The following NMT2 variants were observed in gnomAD, a reference collection of about 807,000 sequenced individuals.
NMT2 encodes glycylpeptide N-tetradecanoyltransferase 2.
Under a neutral mutation model 65.4 loss-of-function variants are expected in NMT2, and 35 were observed. The ratio of observed to expected loss-of-function variants is 0.54; its 90% CI spans 0.41 to 0.71. NMT2 has a LOEUF of 0.71. Ranked by LOEUF, NMT2 falls within the 30% of genes least tolerant of loss-of-function variation. The pLI, the probability that NMT2 is intolerant of heterozygous loss-of-function variation, is 0.00. For missense variants in NMT2, 489 were observed against 611.3 expected (o/e 0.80, Z 2.11); for synonymous variants, 226 against 231.8 (o/e 0.98, Z 0.23).
chr10:15,125,108 G>A (rs1015525284), intron 8 of NMT2, among the ~76,000 whole-genome samples: 1 of 152,174 alleles, frequency 6.6e-6, no homozygotes, highest in African/African-American at 2.4e-5. Context: ...ACACATCCTC[G>A]CCTAAGTGCC....
intron 1 of NMT2, among the ~76,000 whole-genome samples, chr10:15,150,510 T>G (rs1832766511): frequency 6.6e-6 from 1 of 152,182 alleles, no homozygotes; most frequent in Non-Finnish European, 1.5e-5. Flanking sequence ...AGCTCCATCA[T>G]GGGTCTGGTA....
At chr10:15,166,418 A>T (rs1833379832) in intron 1 of NMT2, among the ~76,000 whole-genome samples, 1 of 152,230 alleles carries the variant, frequency 6.6e-6, no homozygotes, top group Non-Finnish European at 1.5e-5. Flanking sequence ...GAGTCTTTCA[A>T]ATTTTAACAT....
intron 7 of NMT2, among the ~76,000 whole-genome samples, chr10:15,128,733 G>A (rs1044514583): frequency 5.3e-5 from 8 of 152,150 alleles, no homozygotes; most frequent in Non-Finnish European, 4.4e-5. Flanking sequence ...GGCTGGGCAC[G>A]GTGGCTCATG....
chr10:15,141,916 C>T (rs1295470326), intron 1 of NMT2, among the ~76,000 whole-genome samples: 3 of 152,200 alleles, frequency 2.0e-5, no homozygotes, highest in Non-Finnish European at 4.4e-5. Context: ...TGAAAAACTC[C>T]ATTATCAAGA....
intron 1 of NMT2, among the ~76,000 whole-genome samples, chr10:15,145,671 A>G (rs1463321563): frequency 6.6e-6 from 1 of 152,130 alleles, no homozygotes; most frequent in Non-Finnish European, 1.5e-5. Flanking sequence ...TGAGCCACCA[A>G]GTCTGGCCTG....
intron 1 of NMT2, among the ~76,000 whole-genome samples, chr10:15,163,769 T>A (rs1229294254): frequency 6.6e-6 from 1 of 152,228 alleles, no homozygotes; most frequent in East Asian, 1.9e-4. Context: ...ACTTCCTTTT[T>A]TTACCCCCTA....
At chr10:15,168,457 C>A (rs1588471894) in intron 1 of NMT2, 46 bp downstream of exon 1, 1 of 1,423,996 alleles carries the variant, frequency 7.0e-7, no homozygotes, top group Non-Finnish European at 9.7e-7. Flanking sequence ...GTGGCGCGCG[C>A]GGTCCCCGCC....
chr10:15,139,218 T>G (rs1028150839), intron 2 of NMT2, among the ~76,000 whole-genome samples: 3 of 152,156 alleles, frequency 2.0e-5, no homozygotes, highest in African/African-American at 7.2e-5. Flanking sequence ...TGGGACCTTA[T>G]GATCATGTGA....
intron 11 of NMT2, 76 bp downstream of exon 11, chr10:15,109,626 A>T: frequency 1.8e-6 from 2 of 1,140,432 alleles, no homozygotes; most frequent in Non-Finnish European, 2.4e-6. Flanking sequence ...AAGCTGTCTT[A>T]AGTCTAAGTG....
intron 8 of NMT2, among the ~76,000 whole-genome samples, chr10:15,125,723 A>G (rs1191402488): frequency 6.6e-6 from 1 of 152,066 alleles, no homozygotes; most frequent in Non-Finnish European, 1.5e-5. Flanking sequence ...CTGGAGTGCA[A>G]TGGCGTGATC....
At chr10:15,133,466 G>C in intron 3 of NMT2, 103 bp from the exon 4 acceptor site, 1 of 822,712 alleles carries the variant, frequency 1.2e-6, no homozygotes, top group Non-Finnish European at 2.1e-6. Context: ...AGCAAAATCT[G>C]ACTTAGGGCC....
At position 15,141,215 on chromosome 10, in the gene NMT2, C is replaced by T. The variant is rs1163784219; in HGVS notation, c.246+207G>A. ...GGGAAAAACACAGCAGGTATCCACA[C>T]ACACACAAAAGCACAGTGTACCCCT... On this transcript the variant is annotated intron_variant, in intron 2 of 11. Coordinates refer to ENST00000378165, the MANE Select transcript of NMT2 (RefSeq NM_004808.3). The T allele has an allele frequency of 1.1e-5, 9 of 787,020 alleles. No homozygotes were observed. The East Asian group carries it at 1.9e-4, about 16-fold the overall frequency. The allele number at this position is 787,020 out of a possible 1,614,324, so 48.8% of individuals were successfully genotyped here.
At chr10:15,161,289 C>T (rs1833189515) in intron 1 of NMT2, among the ~76,000 whole-genome samples, 1 of 151,806 alleles carries the variant, frequency 6.6e-6, no homozygotes. Context: ...CATCCACGCA[C>T]TCTAAGAAAA....
intron 7 of NMT2, among the ~76,000 whole-genome samples, chr10:15,129,570 TC>T (rs1340633383): frequency 3.3e-5 from 5 of 152,194 alleles, no homozygotes; most frequent in African/African-American, 9.6e-5. Context: ...AGAAAACTGA[TC>T]TTTGGGGTGG....
At chr10:15,131,121 C>T (rs1243450901) in intron 6 of NMT2, among the ~76,000 whole-genome samples, 2 of 152,038 alleles carry the variant, frequency 1.3e-5, no homozygotes, top group African/African-American at 4.8e-5. Flanking sequence ...CAATATTTAA[C>T]AAAAATATTC....
chr10:15,156,442 G>A (rs75534489), intron 1 of NMT2, among the ~76,000 whole-genome samples: 3,216 of 152,140 alleles, frequency 0.021, 128 homozygotes, highest in African/African-American at 0.073. Flanking sequence ...AAAATTACCC[G>A]GTCTAACGTA....
Position 15,106,933 on chromosome 10 carries a change from T to G in NMT2, c.*2262A>C, listed in dbSNP as rs536747019. On this transcript the variant is annotated 3_prime_UTR_variant, in exon 12 of 12. Coordinates refer to ENST00000378165, the MANE Select transcript of NMT2 (RefSeq NM_004808.3). ...ACGGGAAACATAGCAAGACCTTGTC[T>G]CTACAAAAAATGAAAAACTTAGCCA... is the stretch of plus-strand genomic sequence containing the variant. Among the ~76,000 whole-genome samples the G allele has an allele frequency of 6.6e-6, 1 of 152,138 alleles. No homozygotes were observed. The highest frequency in any genetic ancestry group is 2.4e-5 in the African/African-American group (1 of 41,440).
intron 1 of NMT2, among the ~76,000 whole-genome samples, chr10:15,162,689 A>T (rs1833238891): frequency 6.6e-6 from 1 of 151,592 alleles, no homozygotes. Flanking sequence ...CAGTGGTGAC[A>T]GCTCTGGGAA....
In NMT2 at chr10:15,136,176, G is replaced by A. The variant is rs533440032; in HGVS notation, c.247-758C>T. 1.9e-3 allele frequency among the ~76,000 whole-genome samples: 291 copies of A among 150,028 alleles called. 1 individual carries two copies. Among genetic ancestry groups the A allele is most frequent in the Non-Finnish European group, 2.8e-3 (188 of 67,602 alleles). On this transcript the variant is annotated intron_variant, in intron 2 of 11. Coordinates refer to ENST00000378165, the MANE Select transcript of NMT2 (RefSeq NM_004808.3). ...GTGGAGGTTGCAGTGAGCTGAGATC[G>A]CGCCATTGCACTCCAGCCTGGGTGA...
Sources: allele counts gnomAD v4.1 joint callset (sites outside exome capture counted in the v4.1 genomes callset), GRCh38; gene constraint gnomAD v4.1.1; transcripts MANE v1.5; gene names NCBI Gene and HGNC (gene_info 2026-07-23, HGNC 2026-07-21).